FLRT1: variants seen among roughly 807,000 people sequenced by gnomAD.
FLRT1 encodes fibronectin leucine rich transmembrane protein 1.
A neutral mutation model predicts 30.9 loss-of-function variants in FLRT1; 14 were observed. The ratio of observed to expected loss-of-function variants is 0.45; its 90% CI spans 0.30 to 0.71. The LOEUF (loss-of-function observed/expected upper bound fraction) is 0.71, where lower values mean the gene tolerates loss of function less well. Among genes scored for constraint, FLRT1 ranks in the 30% least tolerant of loss-of-function variants. The pLI, the probability that FLRT1 is intolerant of heterozygous loss-of-function variation, is 0.08. For synonymous variants in FLRT1, 368 were observed against 430.4 expected (o/e 0.85, Z 1.80); for missense variants, 737 against 949.2 (o/e 0.78, Z 2.94).
chr11:64,039,930 G>C (rs1460172163), intron 1 of FLRT1, among the ~76,000 whole-genome samples: 1 of 152,210 alleles, frequency 6.6e-6, no homozygotes, highest in East Asian at 1.9e-4. Context: ...TGAAGCCATG[G>C]AGGATAAATG....
At chr11:64,105,431 C>T (rs1488845245) in intron 2 of FLRT1, among the ~76,000 whole-genome samples, 1 of 152,214 alleles carries the variant, frequency 6.6e-6, no homozygotes, top group Non-Finnish European at 1.5e-5. Context: ...GGGGCCTGGC[C>T]CTCTGGTTGT....
At chr11:64,078,008 C>T (rs1944235077) in intron 1 of FLRT1, among the ~76,000 whole-genome samples, 1 of 152,206 alleles carries the variant, frequency 6.6e-6, no homozygotes, top group Non-Finnish European at 1.5e-5. Flanking sequence ...GTCCCAGACG[C>T]TCTCCCCGTG....
rs1283677689 is a variant in FLRT1, at chr11:64,111,456, T to C, written c.-49-4763T>C. ...CCTGTGCTACCTACCTGCTCATAAG[T>C]GGCTTGAGGCAGGACCTCCGGCTCC... On this transcript the variant is annotated intron_variant, in intron 2 of 2. Transcript: ENST00000682287. 2.6e-5 allele frequency among the ~76,000 whole-genome samples: 4 copies of C among 152,200 alleles called. No homozygotes were observed. In the East Asian group the frequency reaches 7.7e-4, roughly 29 times the overall value.
Position 64,082,413 on chromosome 11 carries a change from G to A in FLRT1, c.-1037-20781G>A, listed in dbSNP as rs138632100. 3.9e-3 allele frequency among the ~76,000 whole-genome samples: 586 copies of A among 152,070 alleles called. 5 individuals are homozygous for A. The highest frequency in any genetic ancestry group is 0.013 in the African/African-American group (536 of 41,484). On this transcript the variant is annotated intron_variant, in intron 1 of 2. Coordinates refer to ENST00000682287, the MANE Select transcript of FLRT1 (RefSeq NM_013280.5). This position sits in a 1 kb window ranked among gnomAD's most constrained non-coding sequence, Gnocchi z 4.5. ...CTGGGAGGGAGCCTGAAGTGGGGGC[G>A]TCCTAAGGTGAGGGGCAGGCAGGTG... is the stretch of plus-strand genomic sequence containing the variant.
chr11:64,086,379 ACTACCCCCGAG>A (rs1303151942), intron 1 of FLRT1, among the ~76,000 whole-genome samples: 1 of 151,814 alleles, frequency 6.6e-6, no homozygotes, highest in Non-Finnish European at 1.5e-5. Flanking sequence ...TGCCCTTGTG[ACTACCCCCGAG>A]CTCAGAGGAT....
rs372560428 is a variant in FLRT1 at position 64,118,220 on chromosome 11, C to T, written c.1953C>T (p.His651=). The change falls in exon 3 of 3, where the codon CAC becomes CAT. Residue 651 remains histidine, a synonymous_variant. Coordinates refer to ENST00000682287, the MANE Select transcript of FLRT1 (RefSeq NM_013280.5). ...SNGSSLCKAT[H]TIGYGTTRGY... Reference sequence around the variant, plus strand: ...GCAGCAGCCTCTGCAAGGCCACACACACCATTGGCTACGGCACCACGCGGG... The same window carrying T: ...GCAGCAGCCTCTGCAAGGCCACACATACCATTGGCTACGGCACCACGCGGG... 5 of 1,612,898 alleles carry T rather than the reference C, an allele frequency of 3.1e-6. No individual in the cohort carries two copies. The African/African-American group carries it at 6.7e-5, about 22-fold the overall frequency.
intron 1 of FLRT1, among the ~76,000 whole-genome samples, chr11:64,047,593 T>C (rs140241880): frequency 0.01 from 1,558 of 152,056 alleles, 15 homozygotes; most frequent in South Asian, 0.029. Context: ...ATGAGGAAAC[T>C]GAGGTTAATA....
chr11:64,060,193 C>T (rs1000124498), intron 1 of FLRT1, among the ~76,000 whole-genome samples: 19 of 152,272 alleles, frequency 1.2e-4, no homozygotes, highest in Admixed American at 1.3e-4. Context: ...ATCTGCCCAG[C>T]GGGCAGAGAG....
intron 1 of FLRT1, among the ~76,000 whole-genome samples, chr11:64,092,152 C>T (rs1944502217): frequency 6.6e-6 from 1 of 152,214 alleles, no homozygotes. Context: ...GCCGTGGCAT[C>T]CCGAGTGGGT....
chr11:64,103,326 G>C lies in FLRT1; in HGVS notation c.-905G>C, dbSNP rs530587910. 23 of 152,328 alleles carry C rather than the reference G, an allele frequency of 1.5e-4. No homozygotes were observed. Among genetic ancestry groups the C allele is most frequent in the Admixed American group, 2.6e-4 (4 of 15,292 alleles). 9.4% of individuals were successfully genotyped at this position (152,328 alleles called of 1,614,324 possible). ...TCTACAAACAGGAGCAGCCAAGCAG[G>C]ACTGAGGCCCTTGCCCCCCAAGCAT... On this transcript the variant is annotated 5_prime_UTR_variant, in exon 2 of 3. Coordinates refer to ENST00000682287, the MANE Select transcript of FLRT1 (RefSeq NM_013280.5).
chr11:64,080,585 T>C (rs1349291971), intron 1 of FLRT1, among the ~76,000 whole-genome samples: 1 of 152,198 alleles, frequency 6.6e-6, no homozygotes, highest in East Asian at 1.9e-4. Context: ...CCCAGTACAG[T>C]GCTCAACACG....
chr11:64,078,102 C>G (rs1944236916), intron 1 of FLRT1, among the ~76,000 whole-genome samples: 1 of 152,218 alleles, frequency 6.6e-6, no homozygotes, highest in Non-Finnish European at 1.5e-5. Context: ...CCCTGCGCAC[C>G]TGCCGGCTTG....
rs533249444 is a variant in FLRT1, at chr11:64,118,046, C to A, written c.1779C>A (p.Gly593=). Residue 593 remains glycine (G), a synonymous_variant, in exon 3 of 3, where the codon GGC becomes GGA. Transcript: ENST00000682287. ...LLTRERAYNR[G]SRKKDDYMES... is the part of the protein sequence containing the mutation. The stretch of plus-strand genomic sequence containing the variant: ...CCCGGGAGAGGGCCTACAACCGGGG[C>A]AGCAGGAAAAAGGATGACTATATGG... The A allele has an allele frequency of 2.5e-6, 4 of 1,613,378 alleles. No individual in the cohort carries two copies. In the South Asian group the frequency reaches 4.4e-5, roughly 18 times the overall value.
chr11:64,043,069 A>T (rs1943518734), intron 1 of FLRT1, among the ~76,000 whole-genome samples: 1 of 152,196 alleles, frequency 6.6e-6, no homozygotes, highest in Non-Finnish European at 1.5e-5. Context: ...GTTACTTATC[A>T]TCTGAGTACC....
intron 1 of FLRT1, among the ~76,000 whole-genome samples, chr11:64,047,078 C>T (rs911421374): frequency 1.3e-5 from 2 of 152,038 alleles, no homozygotes; most frequent in African/African-American, 2.4e-5. Flanking sequence ...TCTGAGCCTT[C>T]GACGTGCTGT....
intron 1 of FLRT1, among the ~76,000 whole-genome samples, chr11:64,041,133 C>G (rs1271737396): frequency 6.8e-6 from 1 of 146,502 alleles, no homozygotes; most frequent in African/African-American, 2.5e-5. Flanking sequence ...ATTTTTTTCA[C>G]GCCCCTTTCC....
At chr11:64,087,948 C>T (rs1035014273) in intron 1 of FLRT1, among the ~76,000 whole-genome samples, 4 of 152,140 alleles carry the variant, frequency 2.6e-5, no homozygotes, top group Non-Finnish European at 5.9e-5. Flanking sequence ...GAGGGGAGGC[C>T]GGGCCTCCTC....
chr11:64,053,387 T>C (rs538066537), intron 1 of FLRT1, among the ~76,000 whole-genome samples: 2 of 152,300 alleles, frequency 1.3e-5, no homozygotes, highest in African/African-American at 2.4e-5. Context: ...TCACAGCCCA[T>C]GGTTTCCTGC....
At chr11:64,110,172 C>T (rs777508810) in intron 2 of FLRT1, among the ~76,000 whole-genome samples, 3 of 152,190 alleles carry the variant, frequency 2.0e-5, no homozygotes, top group East Asian at 1.9e-4. Flanking sequence ...GCCTGAGGCC[C>T]GGCGTGGTGG....
Sources: allele counts gnomAD v4.1 joint callset (sites outside exome capture counted in the v4.1 genomes callset), GRCh38; gene constraint gnomAD v4.1.1; non-coding constraint Gnocchi (gnomAD v3.1); transcripts MANE v1.5; gene names NCBI Gene and HGNC (gene_info 2026-07-23, HGNC 2026-07-21).